Variants in DNAAF9 observed in about 807,000 individuals in gnomAD.
DNAAF9 encodes dynein axonemal assembly factor 9.
A neutral mutation model predicts 167.0 loss-of-function variants in DNAAF9; 90 were observed. That is an observed-to-expected ratio of 0.54 (90% CI 0.45 to 0.64). The LOEUF (loss-of-function observed/expected upper bound fraction) is 0.64, where lower values mean the gene tolerates loss of function less well. Among genes scored for constraint, DNAAF9 ranks in the 30% least tolerant of loss-of-function variants. The pLI is 0.00. For synonymous variants in DNAAF9, 491 were observed against 508.8 expected (o/e 0.96, Z 0.47); for missense variants, 1,315 against 1,442.2 (o/e 0.91, Z 1.43).
chr20:3,356,665 C>T (rs558328647), intron 7 of DNAAF9, among the ~76,000 whole-genome samples: 1 of 152,144 alleles, frequency 6.6e-6, no homozygotes, highest in African/African-American at 2.4e-5. Flanking sequence ...CTGGCTATGG[C>T]TCAGCTGGAC....
chr20:3,278,269 CT>C (rs1013746285), intron 29 of DNAAF9, among the ~76,000 whole-genome samples: 3 of 152,132 alleles, frequency 2.0e-5, no homozygotes, highest in Non-Finnish European at 4.4e-5. Context: ...ACAGGTCCCG[CT>C]GGGCCAAACT....
Position 3,324,885 on chromosome 20 carries a change from T to G in DNAAF9, c.1265+7A>C, listed in dbSNP as rs756998402. ...ATTCCTTATAAAAAATATCAGCCAT[T>G]GCTTACCGCAGGGCTGCCTTAAACG... On this transcript the variant is annotated splice_region_variant and intron_variant, in intron 14 of 36. Coordinates refer to ENST00000252032, the MANE Select transcript of DNAAF9 (RefSeq NM_001009984.3). 6.6e-7 allele frequency: 1 copy of G among 1,514,442 alleles called. No homozygotes were observed. Among genetic ancestry groups the G allele is most frequent in the South Asian group, 1.2e-5 (1 of 84,944 alleles). The allele number at this position is 1,514,442 out of a possible 1,614,324, so 93.8% of individuals were successfully genotyped here.
At chr20:3,306,617 T>A (rs567827033) in intron 20 of DNAAF9, among the ~76,000 whole-genome samples, 1 of 152,356 alleles carries the variant, frequency 6.6e-6, no homozygotes, top group South Asian at 2.1e-4. Flanking sequence ...GTTTGTCTGA[T>A]GCCAAAGACA....
intron 10 of DNAAF9, among the ~76,000 whole-genome samples, chr20:3,337,569 C>T (rs1200101785): frequency 6.6e-6 from 1 of 151,812 alleles, no homozygotes; most frequent in Non-Finnish European, 1.5e-5. Flanking sequence ...TTAATTCTCA[C>T]ATCTGTGTTC....
rs753234458 is a variant in DNAAF9, at chr20:3,250,578, A to G, written c.*1994T>C. On this transcript the variant is annotated 3_prime_UTR_variant, in exon 37 of 37. Coordinates refer to ENST00000252032, the MANE Select transcript of DNAAF9 (RefSeq NM_001009984.3). ...AGGAGAGGAGTTGGGACAGTGGGGC[A>G]AGTTGGTGAGAGAGCATTTCTGTGA... is the stretch of plus-strand genomic sequence containing the variant. The G allele has an allele frequency of 3.3e-5, 5 of 152,232 alleles. No individual in the cohort carries two copies. Among genetic ancestry groups the G allele is most frequent in the Non-Finnish European group, 7.3e-5 (5 of 68,048 alleles). The allele number at this position is 152,232 out of a possible 1,614,324, so 9.4% of individuals were successfully genotyped here. A position where few individuals can be genotyped will look rare whatever the true frequency, so the allele number is the denominator to read the frequency against.
At chr20:3,370,938 GAGA>G (rs2083498914) in intron 6 of DNAAF9, among the ~76,000 whole-genome samples, 1 of 152,180 alleles carries the variant, frequency 6.6e-6, no homozygotes, top group Admixed American at 6.5e-5. Flanking sequence ...CACTTGAGGG[GAGA>G]GGAGAGCGGT....
intron 1 of DNAAF9, among the ~76,000 whole-genome samples, chr20:3,394,939 TTTC>T (rs1380605792): frequency 4.0e-5 from 5 of 123,846 alleles, no homozygotes; most frequent in African/African-American, 1.3e-4. Context: ...TACTGAACAT[TTTC>T]TTTTTTCTTT....
intron 8 of DNAAF9, among the ~76,000 whole-genome samples, chr20:3,348,178 T>C (rs2070234508): frequency 6.6e-6 from 1 of 152,066 alleles, no homozygotes; most frequent in South Asian, 2.1e-4. Flanking sequence ...GTCATCTGCT[T>C]GGAAAGACAT....
chr20:3,291,345 G>GTTT (rs1330690178), intron 25 of DNAAF9, among the ~76,000 whole-genome samples: 9 of 133,590 alleles, frequency 6.7e-5, no homozygotes, highest in Non-Finnish European at 1.3e-4. Context: ...AAGTTTTTTT[G>GTTT]TTTTTTTTTT....
intron 21 of DNAAF9, among the ~76,000 whole-genome samples, chr20:3,302,950 A>G (rs2069217009): frequency 6.6e-6 from 1 of 152,134 alleles, no homozygotes; most frequent in Admixed American, 6.5e-5. Context: ...AAAATCAGTA[A>G]CTGGTCAGCT....
chr20:3,324,372 G>A (rs1324858581), intron 14 of DNAAF9, among the ~76,000 whole-genome samples: 2 of 152,090 alleles, frequency 1.3e-5, no homozygotes, highest in Non-Finnish European at 2.9e-5. Flanking sequence ...AGTGGACTGG[G>A]TTCATGAAGA....
At chr20:3,374,708 CCT>C (rs1453531022) in intron 5 of DNAAF9, among the ~76,000 whole-genome samples, 2 of 152,052 alleles carry the variant, frequency 1.3e-5, no homozygotes, top group Non-Finnish European at 2.9e-5. Flanking sequence ...TATCCAAATC[CCT>C]CTTTCTTATT....
rs567071270 is a variant in DNAAF9, at chr20:3,279,023, T to C, written c.2613-74A>G. ...TGTCACTGATTATTTCCCATACAAA[T>C]AGGAGTACCACTGACAAGCAAATTG... On this transcript the variant is annotated intron_variant, in intron 28 of 36. Coordinates refer to ENST00000252032, the MANE Select transcript of DNAAF9 (RefSeq NM_001009984.3). 52 of 1,086,582 alleles carry C rather than the reference T, an allele frequency of 4.8e-5. No individual in the cohort carries two copies. In the African/African-American group the frequency reaches 5.0e-4, roughly 10 times the overall value. 67.3% of individuals were successfully genotyped at this position (1,086,582 alleles called of 1,614,324 possible).
chr20:3,325,917 T>C (rs2069702614), intron 13 of DNAAF9, among the ~76,000 whole-genome samples: 1 of 152,058 alleles, frequency 6.6e-6, no homozygotes, highest in Non-Finnish European at 1.5e-5. Context: ...GACTTTTGTT[T>C]AAGCTATTCA....
intron 3 of DNAAF9, 100 bp from the exon 4 acceptor site, chr20:3,376,402 G>C (rs1236421054): frequency 1.0e-6 from 1 of 966,078 alleles, no homozygotes; most frequent in Non-Finnish European, 1.5e-6. Flanking sequence ...CTACTTCAGA[G>C]ACAATGTAAC....
At chr20:3,263,038 G>C (rs2068422870) in intron 31 of DNAAF9, among the ~76,000 whole-genome samples, 1 of 133,238 alleles carries the variant, frequency 7.5e-6, no homozygotes, top group Admixed American at 8.7e-5. Flanking sequence ...GCAGTGGCGT[G>C]ATCTCAGCTC....
chr20:3,280,163 C>A (rs918464708), intron 28 of DNAAF9, among the ~76,000 whole-genome samples: 1 of 152,104 alleles, frequency 6.6e-6, no homozygotes, highest in African/African-American at 2.4e-5. Context: ...GGGGCTGGAA[C>A]AAGGGAAGAT....
chr20:3,362,087 G>C (rs1459390458), intron 6 of DNAAF9: 5 of 1,404,516 alleles, frequency 3.6e-6, no homozygotes, highest in Non-Finnish European at 5.0e-6. Flanking sequence ...ATTACAAAGG[G>C]GGGTGCTTCT....
intron 10 of DNAAF9, among the ~76,000 whole-genome samples, chr20:3,337,943 T>A (rs967877140): frequency 1.3e-4 from 20 of 148,782 alleles, no homozygotes; most frequent in African/African-American, 4.6e-4. Flanking sequence ...TTCCTTTATG[T>A]GGATCCAAGC....
Sources: gnomAD v4.1 joint callset for allele counts (sites outside exome capture counted in the v4.1 genomes callset) on GRCh38, gnomAD v4.1.1 for gene constraint, MANE v1.5 for transcripts, NCBI Gene and HGNC (gene_info 2026-07-23, HGNC 2026-07-21) for gene names.